Variants in CACNA1I observed in about 807,000 individuals in gnomAD.
CACNA1I encodes calcium voltage-gated channel subunit alpha1 I, also known as voltage-dependent T-type calcium channel subunit alpha-1I.
Under a neutral mutation model 201.6 loss-of-function variants are expected in CACNA1I, and 74 were observed. The ratio of observed to expected loss-of-function variants is 0.37; its 90% CI spans 0.30 to 0.45. CACNA1I has a LOEUF of 0.45. Among genes scored for constraint, CACNA1I ranks in the 20% least tolerant of loss-of-function variants. The probability of loss-of-function intolerance (pLI) is 1.00; values close to 1 mark genes in which losing one functional copy is unlikely to be tolerated. For missense variants in CACNA1I, 2,346 were observed against 3,138.1 expected, an observed-to-expected ratio of 0.75 and a Z score of 6.03; for synonymous variants, 1,431 against 1,345.2, an observed-to-expected ratio of 1.06 and a Z score of -1.40.
intron 27 of CACNA1I, 137 bp from the exon 28 acceptor site, chr22:39,672,812 T>C (rs971938250): frequency 1.2e-6 from 1 of 866,316 alleles, no homozygotes; most frequent in Non-Finnish European, 1.7e-6. Context: ...GAGGGGCTAG[T>C]AAGGGAGGGC....
In CACNA1I at chr22:39,602,133, G is replaced by A. The variant is rs1200748125; in HGVS notation, c.482+1480G>A. Among the ~76,000 whole-genome samples, 6 of 120,302 alleles carry A rather than the reference G, an allele frequency of 5.0e-5. No homozygotes were observed. In the South Asian group the frequency reaches 1.0e-3, roughly 21 times the overall value. 78.9% of individuals were successfully genotyped at this position (120,302 alleles called of 152,430 possible). A position where few individuals can be genotyped will look rare whatever the true frequency, so the allele number is the denominator to read the frequency against. On this transcript the variant is annotated intron_variant, in intron 3 of 36. Coordinates refer to ENST00000402142, the MANE Select transcript of CACNA1I (RefSeq NM_021096.4). ...TGTACCTAGGTTGGAGTGTGGTGAT[G>A]CAGTCACCACACACTGCAGCCTTGA...
At chr22:39,679,634 C>T (rs1391222302) in intron 32 of CACNA1I, 88 bp from the exon 33 acceptor site, 32 of 1,320,044 alleles carry the variant, frequency 2.4e-5, no homozygotes, top group Middle Eastern at 1.9e-4. Flanking sequence ...GAGAACCAAC[C>T]GGGAGGGCAG....
At position 39,661,302 on chromosome 22, in the gene CACNA1I, C is replaced by T. The variant is rs1477510464; in HGVS notation, c.2893C>T (p.Arg965Cys). ...MSLGRMSYDQ[R>C]SLSSSRSSYY... ...TCTAGGGAGGATGAGCTATGACCAG[C>T]GCTCCCTGGTGAGTCCTTGTGGGGA... Residue 965 changes from arginine (R) to cysteine (C), a missense_variant, in exon 16 of 37, where the codon CGC (arginine) becomes TGC (cysteine). By Grantham distance (180) the Arg-to-Cys change is radical. This residue lies in a region of CACNA1I where 288 missense variants were observed against 255.2 expected (regional missense o/e 1.13). Transcript: ENST00000402142. 8 of 1,570,712 alleles carry T rather than the reference C, an allele frequency of 5.1e-6. No homozygotes were observed. Among genetic ancestry groups the T allele is most frequent in the Admixed American group, 3.6e-5 (2 of 55,154 alleles).
Position 39,570,787 on chromosome 22 carries a change from C to T in CACNA1I, c.35C>T (p.Ala12Val), listed in dbSNP as rs745710204. The change falls in exon 1 of 37, where the codon GCA becomes GTA. Residue 12 changes from alanine (A) to valine (V), a missense_variant. Physicochemically the swap from Ala to Val is moderately conservative, Grantham distance 64 (BLOSUM62 0). Transcript: ENST00000402142. ...AESASPPSSS[A>V]AAPAAEPGVT... ...AGCGCCTCCCCGCCCTCCTCATCTG[C>T]AGCAGCCCCAGCCGCTGAGCCAGGA... 2.5e-6 allele frequency: 4 copies of T among 1,612,214 alleles called. No homozygotes were observed. In the East Asian group the frequency reaches 8.9e-5, roughly 36 times the overall value.
Position 39,619,306 on chromosome 22 carries a change from G to A in CACNA1I, c.483-4G>A, listed in dbSNP as rs757897441. On this transcript the variant is annotated splice_region_variant and splice_polypyrimidine_tract_variant and intron_variant, in intron 3 of 36. Transcript: ENST00000402142. ...ATCCCTCACTCTCTCTCCTTTCTCT[G>A]CAGGATGGTCGAGTACTCCCTGGAC... The A allele has an allele frequency of 4.4e-6, 7 of 1,605,982 alleles. No individual in the cohort carries two copies. The highest frequency in any genetic ancestry group is 4.5e-5 in the East Asian group (2 of 44,882).
intron 3 of CACNA1I, among the ~76,000 whole-genome samples, chr22:39,614,920 G>T (rs1933488328): frequency 6.6e-6 from 1 of 152,216 alleles, no homozygotes; most frequent in Admixed American, 6.5e-5. Context: ...AAGCGCTTAG[G>T]AGCTGGCAGG....
At chr22:39,637,448 G>A (rs374336973) in intron 5 of CACNA1I, among the ~76,000 whole-genome samples, 27 of 152,136 alleles carry the variant, frequency 1.8e-4, no homozygotes, top group South Asian at 2.1e-4. Context: ...GCGGTGTGGC[G>A]TGTGGGTTAG....
intron 21 of CACNA1I, 74 bp downstream of exon 21, chr22:39,664,997 C>A: frequency 2.1e-6 from 3 of 1,399,472 alleles, no homozygotes; most frequent in Non-Finnish European, 3.0e-6. Flanking sequence ...GAATTGGGCC[C>A]TCACTCCGCC....
intron 27 of CACNA1I, among the ~76,000 whole-genome samples, chr22:39,672,713 CAG>C (rs889706728): frequency 1.3e-5 from 2 of 152,086 alleles, no homozygotes; most frequent in African/African-American, 4.8e-5. Flanking sequence ...TGCAGGAGGC[CAG>C]AGATATTTAT....
intron 32 of CACNA1I, 98 bp from the exon 33 acceptor site, chr22:39,679,624 G>A: frequency 7.9e-7 from 1 of 1,268,918 alleles, no homozygotes; most frequent in Non-Finnish European, 1.1e-6. Flanking sequence ...CATGGGCGCA[G>A]AGAACCAACC....
Position 39,665,610 on chromosome 22 carries a change from A to T in CACNA1I, c.3964A>T (p.Ile1322Phe). The T allele has an allele frequency of 6.2e-7, 1 of 1,613,744 alleles. No individual in the cohort carries two copies. Residue 1322 changes from isoleucine (I) to phenylalanine (F), a missense_variant, in exon 22 of 37, where the codon ATC becomes TTC. Transcript: ENST00000402142. The surrounding 1 kb of genome is among the most constrained non-coding windows in gnomAD (Gnocchi z 5.5). ...ICCAFFIIFG[I>F]LGVQLFKGKF... ...CTGTGCCTTCTTCATCATCTTTGGC[A>T]TCCTGGGAGTGCAGGTGAGGGGTGC...
Position 39,686,295 on chromosome 22 carries a change from C to A in CACNA1I, c.6562C>A (p.Pro2188Thr). 3.0e-6 allele frequency: 4 copies of A among 1,324,442 alleles called. No homozygotes were observed. The highest frequency in any genetic ancestry group is 1.9e-6 in the Non-Finnish European group (2 of 1,032,928). The allele number at this position is 1,324,442 out of a possible 1,614,324, so 82.0% of individuals were successfully genotyped here. The change falls in exon 37 of 37, where the codon CCC (proline) becomes ACC (threonine). Residue 2188 changes from proline (P) to threonine (T), a missense_variant. This residue lies in a region of CACNA1I where 187 missense variants were observed against 151.0 expected (regional missense o/e 1.24). Transcript: ENST00000402142. ...GTGGGCCGCGGACCGCAGCAAGGAC[C>A]CCCCCGGCCGGGCACCGCTGCCCAT... ...PSWAADRSKDPPGRAPLPMGL... is the reference protein window; with the variant it reads ...PSWAADRSKDTPGRAPLPMGL...
At chr22:39,607,900 G>GGA (rs1305177181) in intron 3 of CACNA1I, among the ~76,000 whole-genome samples, 1 of 150,022 alleles carries the variant, frequency 6.7e-6, no homozygotes, top group Non-Finnish European at 1.5e-5. Flanking sequence ...CAAGGCGGGG[G>GGA]GGGGTCACCT....
chr22:39,659,971 T>A lies in CACNA1I; in HGVS notation c.2604+119T>A. 8.9e-7 allele frequency: 1 copy of A among 1,124,236 alleles called. No homozygotes were observed. The highest frequency in any genetic ancestry group is 1.3e-6 in the Non-Finnish European group (1 of 770,444). The allele number at this position is 1,124,236 out of a possible 1,614,324, so 69.6% of individuals were successfully genotyped here. A position where few individuals can be genotyped will look rare whatever the true frequency, so the allele number is the denominator to read the frequency against. ...AAACTTCTAGCAGGCAACCTATCCC[T>A]AAAGGAGGGGGTTGCTGATGAGGTG... On this transcript the variant is annotated intron_variant, in intron 14 of 36. Transcript: ENST00000402142. The surrounding 1 kb of genome is among the most constrained non-coding windows in gnomAD (Gnocchi z 4.3).
rs774352624 is a variant in CACNA1I, at chr22:39,641,065, C to T, written c.939C>T (p.Ser313=). ...FGAGRQDLNA[S]GLCVNWNRYY... ...CGGGGCGCCAGGACCTCAATGCCAG[C>T]GGCCTCTGTGTCAACTGGAACCGTT... The change falls in exon 6 of 37, where the codon AGC becomes AGT. Residue 313 remains serine, a synonymous_variant. Transcript: ENST00000402142. 2.7e-5 allele frequency: 43 copies of T among 1,613,912 alleles called. No individual in the cohort carries two copies. Among genetic ancestry groups the T allele is most frequent in the South Asian group, 1.8e-4 (16 of 91,092 alleles).
rs146529632 is a variant in CACNA1I, at chr22:39,612,353, G to C, written c.483-6957G>C. ...TAAATCATCCAGTCTTTCTGCTTCT[G>C]TTATAGCAGCAGAAAATGGACTAAG... On this transcript the variant is annotated intron_variant, in intron 3 of 36. Coordinates refer to ENST00000402142, the MANE Select transcript of CACNA1I (RefSeq NM_021096.4). Among the ~76,000 whole-genome samples, 169 of 152,272 alleles carry C rather than the reference G, an allele frequency of 1.1e-3. 6 individuals carry two copies. In the East Asian group the frequency reaches 0.016, roughly 14 times the overall value.
At position 39,647,903 on chromosome 22, in the gene CACNA1I, CT is replaced by C; in HGVS notation, c.1545del (p.Gly516GlufsTer132). 2.5e-6 allele frequency: 4 copies of C among 1,613,628 alleles called. No homozygotes were observed. Among genetic ancestry groups the C allele is most frequent in the Non-Finnish European group, 3.4e-6 (4 of 1,179,840 alleles). ...HCQTLHGPASPGNDHSGRELC... is the reference protein window; with the variant it reads ...HCQTLHGPASXGNDHSGRELC... The stretch of plus-strand genomic sequence containing the variant: ...CAGACTTTGCATGGGCCTGCCTCCC[CT>C]GGAAATGATCACTCGGGAAGAGGCA... On this transcript the variant is annotated frameshift_variant, in exon 9 of 37. Coordinates refer to ENST00000402142, the MANE Select transcript of CACNA1I (RefSeq NM_021096.4). LOFTEE classifies it high-confidence loss of function.
chr22:39,616,198 A>G (rs1188527282), intron 3 of CACNA1I, among the ~76,000 whole-genome samples: 1 of 152,122 alleles, frequency 6.6e-6, no homozygotes, highest in South Asian at 2.1e-4. Context: ...GGGAGCTTCA[A>G]ATGCACTGCC....
At position 39,600,501 on chromosome 22, in the gene CACNA1I, C is replaced by T. The variant is rs1601807840; in HGVS notation, c.349-19C>T. The stretch of plus-strand genomic sequence containing the variant: ...GCAACCTCACCCTGTCCCTTGCTTC[C>T]CTCCTCCTGCCCCTGCAGGTCTTTG... On this transcript the variant is annotated intron_variant, in intron 2 of 36. Transcript: ENST00000402142. The T allele has an allele frequency of 1.9e-6, 3 of 1,609,608 alleles. No individual in the cohort carries two copies. Among genetic ancestry groups the T allele is most frequent in the African/African-American group, 2.7e-5 (2 of 74,898 alleles).
Sources: gnomAD v4.1 joint callset for allele counts (sites outside exome capture counted in the v4.1 genomes callset) on GRCh38, gnomAD v4.1.1 for gene constraint, gnomAD v4.1.1 regional missense constraint, Gnocchi (gnomAD v3.1) non-coding constraint, MANE v1.5 for transcripts, NCBI Gene and HGNC (gene_info 2026-07-23, HGNC 2026-07-21) for gene names.